Variants in SHANK2 observed in about 807,000 individuals in gnomAD.
The protein encoded by SHANK2 is SH3 and multiple ankyrin repeat domains 2.
Under a neutral mutation model 133.7 loss-of-function variants are expected in SHANK2, and 43 were observed. The observed-to-expected ratio is 0.32, with a 90% CI of 0.25 to 0.41. SHANK2 has a LOEUF of 0.41. Ranked by LOEUF, SHANK2 falls within the 10% of genes least tolerant of loss-of-function variation. The pLI is 1.00. For missense variants in SHANK2, 1,994 were observed against 2,235.8 expected (o/e 0.89, Z 2.18); for synonymous variants, 1,017 against 952.8 (o/e 1.07, Z -1.24).
intron 25 of SHANK2, among the ~76,000 whole-genome samples, chr11:70,484,534 T>A (rs375278150): frequency 3.9e-5 from 6 of 152,330 alleles, no homozygotes; most frequent in African/African-American, 7.2e-5. Flanking sequence ...CTCATTTTTT[T>A]ATAAATTACC....
intron 11 of SHANK2, among the ~76,000 whole-genome samples, chr11:70,862,488 C>A (rs977027623): frequency 6.6e-6 from 1 of 152,140 alleles, no homozygotes; most frequent in Non-Finnish European, 1.5e-5. Flanking sequence ...ACTGGACTGG[C>A]TGATGGACAG....
At chr11:70,937,278 C>T (rs552937519) in intron 10 of SHANK2, among the ~76,000 whole-genome samples, 2 of 152,294 alleles carry the variant, frequency 1.3e-5, no homozygotes, top group Admixed American at 6.5e-5. Flanking sequence ...GAACAAGTGA[C>T]GGGAGCACAG....
intron 1 of SHANK2, among the ~76,000 whole-genome samples, chr11:71,233,585 C>T (rs1954780226): frequency 1.3e-5 from 2 of 152,210 alleles, no homozygotes; most frequent in Admixed American, 1.3e-4. Context: ...TACTAAAAAA[C>T]ACGGCACTGC....
chr11:70,698,893 A>G (rs1945458165), intron 14 of SHANK2, 130 bp from the exon 15 acceptor site: 5 of 698,626 alleles, frequency 7.2e-6, no homozygotes, highest in Non-Finnish European at 1.3e-5. Flanking sequence ...CCTGGGGAAG[A>G]GTCTGGAGGA....
intron 2 of SHANK2, among the ~76,000 whole-genome samples, chr11:71,151,136 C>G (rs1555107999): frequency 2.0e-5 from 3 of 152,168 alleles, no homozygotes; most frequent in Non-Finnish European, 4.4e-5. Flanking sequence ...CTGAGGCTCA[C>G]CCTGCACTCA....
intron 14 of SHANK2, chr11:70,705,808 T>G (rs1555024771): frequency 6.6e-6 from 1 of 152,360 alleles, no homozygotes; most frequent in African/African-American, 2.4e-5. Context: ...ACTACCACTC[T>G]AGTCTGAACC....
chr11:70,828,823 G>A (rs995944293), intron 11 of SHANK2, among the ~76,000 whole-genome samples: 26 of 152,206 alleles, frequency 1.7e-4, no homozygotes, highest in East Asian at 7.7e-4. Context: ...TCATCAAAGC[G>A]CAGGGAACTC....
At chr11:70,679,203 T>A (rs558876204) in intron 15 of SHANK2, among the ~76,000 whole-genome samples, 4 of 152,308 alleles carry the variant, frequency 2.6e-5, no homozygotes, top group African/African-American at 9.6e-5. Flanking sequence ...ATTCTCTCTC[T>A]CACACAACAC....
At chr11:70,526,705 T>C (rs1046948746) in intron 17 of SHANK2, among the ~76,000 whole-genome samples, 14 of 152,212 alleles carry the variant, frequency 9.2e-5, no homozygotes, top group African/African-American at 3.4e-4. Flanking sequence ...CTTTACAAAA[T>C]AAAGTCTCCT....
At chr11:70,851,225 C>A (rs1483463827) in intron 11 of SHANK2, among the ~76,000 whole-genome samples, 1 of 152,202 alleles carries the variant, frequency 6.6e-6, no homozygotes, top group African/African-American at 2.4e-5. Flanking sequence ...TTCTCCCCAA[C>A]AAAGGCACAA....
chr11:71,089,414 C>T (rs1467095463), intron 8 of SHANK2, among the ~76,000 whole-genome samples: 1 of 152,168 alleles, frequency 6.6e-6, no homozygotes, highest in African/African-American at 2.4e-5. Context: ...TGTCCACGCA[C>T]ATGTGGACCT....
intron 10 of SHANK2, among the ~76,000 whole-genome samples, chr11:70,914,116 G>A (rs1156636130): frequency 2.0e-5 from 3 of 152,104 alleles, no homozygotes; most frequent in Admixed American, 1.3e-4. Flanking sequence ...GCAGGGCCCC[G>A]CCCAGCCACA....
intron 14 of SHANK2, among the ~76,000 whole-genome samples, chr11:70,702,311 A>ATCACCATCATCACC (rs1945547214): frequency 8.5e-6 from 1 of 117,296 alleles, no homozygotes; most frequent in African/African-American, 3.4e-5. Flanking sequence ...CCATCATCAC[A>ATCACCATCATCACC]ATCACCATCA....
At position 70,573,803 on chromosome 11, in the gene SHANK2, C is replaced by T. The variant is rs1246851055; in HGVS notation, c.2062-70872G>A. 2.0e-5 allele frequency among the ~76,000 whole-genome samples: 3 copies of T among 152,238 alleles called. 1 individual carries two copies. The highest frequency in any genetic ancestry group is 1.3e-4 in the Admixed American group (2 of 15,292). ...GCCAACGGCCACTTTTATGTTCTGTCTGACTTAGAGTATGCAAAGTACTTC... is the reference window on the plus strand; with the variant it reads ...GCCAACGGCCACTTTTATGTTCTGTTTGACTTAGAGTATGCAAAGTACTTC... On this transcript the variant is annotated intron_variant, in intron 17 of 25. Coordinates refer to ENST00000601538, the MANE Select transcript of SHANK2 (RefSeq NM_012309.5).
chr11:71,192,313 G>A (rs531096817), intron 2 of SHANK2, among the ~76,000 whole-genome samples: 1 of 152,342 alleles, frequency 6.6e-6, no homozygotes, highest in South Asian at 2.1e-4. Context: ...AGGGGACACA[G>A]TGCAGCCCAT....
intron 10 of SHANK2, among the ~76,000 whole-genome samples, chr11:70,912,286 C>G (rs1377213808): frequency 6.6e-6 from 1 of 152,038 alleles, no homozygotes; most frequent in Non-Finnish European, 1.5e-5. Flanking sequence ...GGGGTATCAA[C>G]TACATTTTTT....
chr11:71,196,997 CAAAAAAAAA>C (rs71467429), intron 2 of SHANK2, among the ~76,000 whole-genome samples: 2 of 81,916 alleles, frequency 2.4e-5, no homozygotes, highest in Non-Finnish European at 4.8e-5. Flanking sequence ...GACTCTGTCT[CAAAAAAAAA>C]AAAAAAAAAA....
At position 71,154,564 on chromosome 11, in the gene SHANK2, G is replaced by A. The variant is rs1171752630; in HGVS notation, c.-12-7226C>T. Reference sequence around the variant, plus strand: ...AGGAGCTAGAACACAACACATGGGGGCCCTGGCCAAGGGGGTGGACTGCTC... The same window carrying A: ...AGGAGCTAGAACACAACACATGGGGACCCTGGCCAAGGGGGTGGACTGCTC... On this transcript the variant is annotated intron_variant, in intron 2 of 25. Coordinates refer to ENST00000601538, the MANE Select transcript of SHANK2 (RefSeq NM_012309.5). Among the ~76,000 whole-genome samples, 10 of 152,350 alleles carry A rather than the reference G, an allele frequency of 6.6e-5. 1 individual carries two copies. Among genetic ancestry groups the A allele is most frequent in the Admixed American group, 3.9e-4 (6 of 15,312 alleles).
Position 70,735,703 on chromosome 11 carries a change from C to CA in SHANK2, c.1778-36941dup, listed in dbSNP as rs5792532. On this transcript the variant is annotated intron_variant, in intron 14 of 25. Coordinates refer to ENST00000601538, the MANE Select transcript of SHANK2 (RefSeq NM_012309.5). ...TGGGTGACAGGGTGAGACTCTGTCT[C>CA]AAAAAAAAAAAAAAAAATGTGCAGA... Among the ~76,000 whole-genome samples the CA allele has an allele frequency of 4.3e-3, 464 of 107,106 alleles. 1 individual carries two copies. The highest frequency in any genetic ancestry group is 9.4e-3 in the Admixed American group (90 of 9,548). 70.3% of individuals were successfully genotyped at this position (107,106 alleles called of 152,430 possible).
Sources: allele counts gnomAD v4.1 joint callset (sites outside exome capture counted in the v4.1 genomes callset), GRCh38; gene constraint gnomAD v4.1.1; transcripts MANE v1.5; gene names NCBI Gene and HGNC (gene_info 2026-07-23, HGNC 2026-07-21).